MARCHF8: variants seen among roughly 807,000 people sequenced by gnomAD.
MARCHF8 encodes the protein E3 ubiquitin-protein ligase MARCHF8.
Under a neutral mutation model 51.6 loss-of-function variants are expected in MARCHF8, and 40 were observed. The observed-to-expected ratio is 0.77, with a 90% CI of 0.60 to 1.01. The LOEUF (loss-of-function observed/expected upper bound fraction) is 1.01, where lower values mean the gene tolerates loss of function less well. MARCHF8 is among the 50% of genes least tolerant of loss of function. The pLI, the probability that MARCHF8 is intolerant of heterozygous loss-of-function variation, is 0.00. For synonymous variants in MARCHF8, 263 were observed against 280.3 expected (o/e 0.94, Z 0.62); for missense variants, 685 against 708.6 (o/e 0.97, Z 0.38).
At chr10:45,585,780 C>G (rs973106063) in intron 1 of MARCHF8, among the ~76,000 whole-genome samples, 4 of 152,062 alleles carry the variant, frequency 2.6e-5, no homozygotes, top group Non-Finnish European at 4.4e-5. Flanking sequence ...TCTAGATAAT[C>G]AAACTTCTAC....
At chr10:45,542,060 C>T (rs2044060136) in intron 1 of MARCHF8, among the ~76,000 whole-genome samples, 1 of 152,098 alleles carries the variant, frequency 6.6e-6, no homozygotes, top group Non-Finnish European at 1.5e-5. Context: ...TGATTGAACT[C>T]CTAGGCCGGG....
At chr10:45,549,031 CCTT>C (rs1277153261) in intron 1 of MARCHF8, among the ~76,000 whole-genome samples, 1 of 151,758 alleles carries the variant, frequency 6.6e-6, no homozygotes, top group African/African-American at 2.4e-5. Context: ...AAATAGTCTA[CCTT>C]CTTGAGCTCC....
chr10:45,458,974 G>T, intron 7 of MARCHF8, 146 bp downstream of exon 7: 1 of 957,458 alleles, frequency 1.0e-6, no homozygotes. Context: ...CAAAAGAAAT[G>T]CCAAAAAGGA....
chr10:45,479,039 C>A (rs1476541676), intron 3 of MARCHF8, among the ~76,000 whole-genome samples: 1 of 152,100 alleles, frequency 6.6e-6, no homozygotes, highest in East Asian at 1.9e-4. Flanking sequence ...GACAAGGACA[C>A]AACAAAAAAT....
At chr10:45,536,620 C>A (rs1040980528), upstream of MARCHF8, among the ~76,000 whole-genome samples, 2 of 151,268 alleles carry the variant, frequency 1.3e-5, no homozygotes, top group Admixed American at 6.6e-5. Context: ...AGACAACTGA[C>A]AGAAGAAAAA....
chr10:45,487,280 G>A (rs1313943724), intron 3 of MARCHF8, among the ~76,000 whole-genome samples: 1 of 152,086 alleles, frequency 6.6e-6, no homozygotes, highest in Non-Finnish European at 1.5e-5. Flanking sequence ...TAAGATGGTG[G>A]TTTGCAAACA....
At chr10:45,565,650 G>GA (rs970758164) in intron 1 of MARCHF8, among the ~76,000 whole-genome samples, 4 of 149,890 alleles carry the variant, frequency 2.7e-5, no homozygotes, top group Admixed American at 6.6e-5. Context: ...AGAGTAGCAG[G>GA]AAAAAAAAAG....
rs1349392221 is a variant in MARCHF8 at position 45,457,691 on chromosome 10, C to T, written c.*548G>A. On this transcript the variant is annotated 3_prime_UTR_variant, in exon 8 of 8. Transcript: ENST00000453424. ...TTGCTCAGTGAATCATGCGCCACCACAGAGCACCATGGCTCCACCTGCTCA... is the reference window on the plus strand; with the variant it reads ...TTGCTCAGTGAATCATGCGCCACCATAGAGCACCATGGCTCCACCTGCTCA... The T allele has an allele frequency of 5.2e-5, 8 of 153,266 alleles. No individual in the cohort carries two copies. In the East Asian group the frequency reaches 1.5e-3, roughly 29 times the overall value. 9.5% of individuals were successfully genotyped at this position (153,266 alleles called of 1,614,324 possible). A position where few individuals can be genotyped will look rare whatever the true frequency, so the allele number is the denominator to read the frequency against.
At chr10:45,592,071 A>G (rs78766622) in intron 1 of MARCHF8, among the ~76,000 whole-genome samples, 9,388 of 152,294 alleles carry the variant, frequency 0.062, 333 homozygotes, top group Non-Finnish European at 0.067. Context: ...CTAGAACACC[A>G]GTCACATCAT....
At chr10:45,503,577 A>ATAAAG (rs2043323404) in intron 2 of MARCHF8, among the ~76,000 whole-genome samples, 1 of 150,718 alleles carries the variant, frequency 6.6e-6, no homozygotes, top group Non-Finnish European at 1.5e-5. Context: ...ATAAAATAAA[A>ATAAAG]ACTAAAAATA....
chr10:45,504,723 T>C (rs1307071190), intron 2 of MARCHF8, among the ~76,000 whole-genome samples: 2 of 152,304 alleles, frequency 1.3e-5, no homozygotes, highest in East Asian at 3.9e-4. Context: ...AGATGGTGTT[T>C]CCTAAATTTA....
chr10:45,549,005 A>C (rs1402822892), intron 1 of MARCHF8, among the ~76,000 whole-genome samples: 1 of 151,854 alleles, frequency 6.6e-6, no homozygotes, highest in Non-Finnish European at 1.5e-5. Flanking sequence ...CAAAAAAAAA[A>C]AAAAAGAAAG....
chr10:45,513,561 T>G (rs531949236), intron 2 of MARCHF8, among the ~76,000 whole-genome samples: 2 of 152,286 alleles, frequency 1.3e-5, no homozygotes, highest in South Asian at 2.1e-4. Context: ...ATATATTTAC[T>G]GATGAAATAG....
Position 45,461,227 on chromosome 10 carries a change from G to A in MARCHF8, c.1269+4C>T, listed in dbSNP as rs373401692. 3.8e-5 allele frequency: 57 copies of A among 1,508,200 alleles called. No homozygotes were observed. Among genetic ancestry groups the A allele is most frequent in the Non-Finnish European group, 4.5e-5 (51 of 1,123,710 alleles). The allele number at this position is 1,508,200 out of a possible 1,614,324, so 93.4% of individuals were successfully genotyped here. On this transcript the variant is annotated splice_donor_region_variant and intron_variant, in intron 6 of 7. Transcript: ENST00000453424. ...AGGGTGAAGCATCCCTTCCTCCCAC[G>A]TACTTTTCTCAGTGGCTTCAGCTTG...
At chr10:45,552,521 G>A (rs1353802606) in intron 1 of MARCHF8, among the ~76,000 whole-genome samples, 6 of 152,000 alleles carry the variant, frequency 3.9e-5, no homozygotes, top group East Asian at 1.9e-4. Context: ...CAGCTATCAC[G>A]TCTTAGAGAT....
chr10:45,540,122 C>T (rs1267576002), upstream of MARCHF8, among the ~76,000 whole-genome samples: 2 of 152,164 alleles, frequency 1.3e-5, no homozygotes, highest in South Asian at 2.1e-4. Context: ...GGCCATACTG[C>T]CCAAGGTAAT....
At chr10:45,459,865 T>C (rs1842730785) in intron 6 of MARCHF8, 1 of 985,454 alleles carries the variant, frequency 1.0e-6, no homozygotes. Context: ...AGCCAGACTT[T>C]CTTTTTCATT....
At chr10:45,577,429 C>T (rs34383275) in intron 1 of MARCHF8, among the ~76,000 whole-genome samples, 7,457 of 152,120 alleles carry the variant, frequency 0.049, 255 homozygotes, top group Non-Finnish European at 0.066. Flanking sequence ...CTATTTGCCG[C>T]GATATGATTA....
chr10:45,552,269 T>C (rs2044204407), intron 1 of MARCHF8, among the ~76,000 whole-genome samples: 1 of 151,258 alleles, frequency 6.6e-6, no homozygotes, highest in Non-Finnish European at 1.5e-5. Context: ...TATTAAAAAC[T>C]AGTAGTTTTA....
Sources: allele counts gnomAD v4.1 joint callset (sites outside exome capture counted in the v4.1 genomes callset), GRCh38; gene constraint gnomAD v4.1.1; transcripts MANE v1.5; gene names NCBI Gene and HGNC (gene_info 2026-07-23, HGNC 2026-07-21).